LIPN: variants seen among roughly 807,000 people sequenced by gnomAD.
The protein encoded by LIPN is lipase family member N, also known as lipase member N.
Under a neutral mutation model 43.7 loss-of-function variants are expected in LIPN, and 32 were observed. The ratio of observed to expected loss-of-function variants is 0.73; its 90% confidence interval spans 0.55 to 0.98. LIPN has a LOEUF of 0.98. Among genes scored for constraint, LIPN ranks in the 50% least tolerant of loss-of-function variants. The probability of loss-of-function intolerance (pLI) is 0.00; values close to 1 mark genes in which losing one functional copy is unlikely to be tolerated. For missense variants in LIPN, 505 were observed against 483.8 expected (o/e 1.04, Z -0.41); for synonymous variants, 156 against 157.6 (o/e 0.99, Z 0.08).
chr10:88,757,954 T>A (rs1283105163), upstream of LIPN, among the ~76,000 whole-genome samples: 2 of 152,102 alleles, frequency 1.3e-5, no homozygotes, highest in Non-Finnish European at 2.9e-5. Flanking sequence ...GAAATTTGTC[T>A]CAAAAGTGTG....
At chr10:88,771,834 T>G (rs1843214337) in intron 7 of LIPN, among the ~76,000 whole-genome samples, 1 of 151,828 alleles carries the variant, frequency 6.6e-6, no homozygotes, top group African/African-American at 2.4e-5. Flanking sequence ...CCTCATACTC[T>G]TCCCCATAGT....
In LIPN at chr10:88,761,440, T is replaced by C. The variant is rs756468777; in HGVS notation, c.35T>C (p.Ile12Thr). 10 of 1,612,344 alleles carry C rather than the reference T, an allele frequency of 6.2e-6. No individual in the cohort carries two copies. The highest frequency in any genetic ancestry group is 5.1e-6 in the Non-Finnish European group (6 of 1,179,014). The change falls in exon 2 of 10, where the codon ATC becomes ACC. Residue 12 changes from isoleucine to threonine, a missense_variant. Transcript: ENST00000404459. ...CTGCTTTTAACAACAACTTGTTTGA[T>C]CTGTGGAACTTTAAATGCTGGTGGA... ...MWLLLTTTCL[I>T]CGTLNAGGFL...
At chr10:88,769,870 C>G (rs751877661) in intron 6 of LIPN, among the ~76,000 whole-genome samples, 1 of 151,792 alleles carries the variant, frequency 6.6e-6, no homozygotes, top group Non-Finnish European at 1.5e-5. Flanking sequence ...TATTCAAGAG[C>G]TTTTCTAGTT....
chr10:88,769,834 TGA>T (rs1843175710), intron 6 of LIPN, among the ~76,000 whole-genome samples: 1 of 151,960 alleles, frequency 6.6e-6, no homozygotes, highest in Non-Finnish European at 1.5e-5. Context: ...TATTGTTTAC[TGA>T]GAGCACAAAT....
rs1393648610 is a variant in LIPN, at chr10:88,774,488, T to C, written c.835T>C (p.Tyr279His). The change falls in exon 8 of 10, where the codon TAT becomes CAT. Residue 279 changes from tyrosine to histidine, a missense_variant. Tyr to His is a moderately conservative substitution (Grantham distance 83, BLOSUM62 2). Coordinates refer to ENST00000404459, the MANE Select transcript of LIPN (RefSeq NM_001102469.2). ...TCTCCTTTAGAGTCGAATGGATGTG[T>C]ATATGTCACATGCTCCCACTGGTTC... ...KNMNQSRMDV[Y>H]MSHAPTGSSV... 2.5e-6 allele frequency: 4 copies of C among 1,610,970 alleles called. No homozygotes were observed. The highest frequency in any genetic ancestry group is 1.3e-5 in the African/African-American group (1 of 74,872).
intron 4 of LIPN, among the ~76,000 whole-genome samples, chr10:88,764,930 T>C (rs1365500332): frequency 6.6e-6 from 1 of 151,986 alleles, no homozygotes; most frequent in Non-Finnish European, 1.5e-5. Flanking sequence ...GAGTGGCTAC[T>C]GTATGCGCTG....
At chr10:88,768,735 A>C (rs1590178265) in intron 5 of LIPN, 57 bp from the exon 6 acceptor site, 2 of 1,518,684 alleles carry the variant, frequency 1.3e-6, no homozygotes, top group East Asian at 4.6e-5. Flanking sequence ...CAATTTTGTT[A>C]GAAACACTGC....
At chr10:88,762,335 A>T (rs774318673) in intron 3 of LIPN, 30 bp downstream of exon 3, 5 of 1,326,414 alleles carry the variant, frequency 3.8e-6, no homozygotes, top group Admixed American at 1.9e-5. Flanking sequence ...TGAAAAGGGG[A>T]CTGCATTGAC....
Position 88,778,076 on chromosome 10 carries a change from A to C in LIPN, c.1031A>C (p.Asp344Ala). Reference sequence around the variant, plus strand: ...ACTGCTATTTGGGCTGGTGGACATGATGTCCTCGTAACACCCCAGGATGTG... The same window carrying C: ...ACTGCTATTTGGGCTGGTGGACATGCTGTCCTCGTAACACCCCAGGATGTG... ...VPTAIWAGGH[D>A]VLVTPQDVAR... The change falls in exon 10 of 10, where the codon GAT becomes GCT. Residue 344 changes from aspartate (D) to alanine (A), a missense_variant. Transcript: ENST00000404459. The C allele has an allele frequency of 6.2e-7, 1 of 1,613,584 alleles. No homozygotes were observed. The highest frequency in any genetic ancestry group is 8.5e-7 in the Non-Finnish European group (1 of 1,179,668).
chr10:88,773,443 G>A (rs1003401057), intron 7 of LIPN, among the ~76,000 whole-genome samples: 3 of 151,912 alleles, frequency 2.0e-5, no homozygotes, highest in African/African-American at 7.2e-5. Context: ...CTTATTTCAT[G>A]TGTTCCTTTC....
At chr10:88,757,348 G>T (rs1842938472), upstream of LIPN, among the ~76,000 whole-genome samples, 1 of 152,080 alleles carries the variant, frequency 6.6e-6, no homozygotes. Flanking sequence ...TCACAAACAC[G>T]GATGGTCCTG....
chr10:88,759,211 AT>A (rs543272611), upstream of LIPN, among the ~76,000 whole-genome samples: 1 of 152,068 alleles, frequency 6.6e-6, no homozygotes, highest in Non-Finnish European at 1.5e-5. Context: ...ACAAAATATC[AT>A]TTTTTTTGAA....
intron 9 of LIPN, 55 bp downstream of exon 9, chr10:88,775,218 A>G: frequency 3.1e-6 from 4 of 1,291,430 alleles, no homozygotes; most frequent in Non-Finnish European, 4.3e-6. Flanking sequence ...ATAATAAAAA[A>G]TTATTTGAGG....
chr10:88,763,751 T>C (rs573491537), intron 3 of LIPN, among the ~76,000 whole-genome samples: 23 of 151,976 alleles, frequency 1.5e-4, no homozygotes, highest in Non-Finnish European at 3.2e-4. Context: ...AATCTGGAAG[T>C]TGGCAGAGGG....
Position 88,764,542 on chromosome 10 carries a change from G to C in LIPN, c.359G>C (p.Arg120Pro), listed in dbSNP as rs540908678. The C allele has an allele frequency of 3.7e-6, 6 of 1,611,784 alleles. No individual in the cohort carries two copies. The South Asian group carries it at 6.6e-5, about 18-fold the overall frequency. The part of the protein sequence containing the change: ...AGYDVWMGNS[R>P]GNTWSRRHKT... ...TATGATGTATGGATGGGAAACAGTC[G>C]GGGAAACACTTGGTCAAGAAGACAC... is the stretch of plus-strand genomic sequence containing the variant. Residue 120 changes from arginine to proline, a missense_variant, in exon 4 of 10, where the codon CGG becomes CCG. Physicochemically the swap from Arg to Pro is moderately radical, Grantham distance 103. Coordinates refer to ENST00000404459, the MANE Select transcript of LIPN (RefSeq NM_001102469.2).
Position 88,762,231 on chromosome 10 carries a change from A to C in LIPN, c.152A>C (p.Glu51Ala). The change falls in exon 3 of 10, where the codon GAA becomes GCA. Residue 51 changes from glutamate (E) to alanine (A), a missense_variant. By Grantham distance (107) the Glu-to-Ala change is moderately radical. Transcript: ENST00000404459. ...AATGGCTACCCCAGTGAAGAGTATG[A>C]AGTCACCACTGAAGATGGGTATATA... ...IYNGYPSEEY[E>A]VTTEDGYILL... 6.2e-7 allele frequency: 1 copy of C among 1,609,354 alleles called. No individual in the cohort carries two copies. The highest frequency in any genetic ancestry group is 8.5e-7 in the Non-Finnish European group (1 of 1,177,552).
At chr10:88,771,115 T>A in intron 7 of LIPN, 124 bp downstream of exon 7, 1 of 790,622 alleles carries the variant, frequency 1.3e-6, no homozygotes, top group Non-Finnish European at 1.9e-6. Flanking sequence ...AAGACAGATT[T>A]TTTTTTGCTT....
intron 6 of LIPN, among the ~76,000 whole-genome samples, chr10:88,770,167 G>A (rs1025237506): frequency 1.3e-5 from 2 of 151,692 alleles, no homozygotes; most frequent in Non-Finnish European, 2.9e-5. Context: ...GACCCCACCA[G>A]GAATCCCCAT....
intron 4 of LIPN, among the ~76,000 whole-genome samples, chr10:88,765,269 G>A (rs1053778901): frequency 2.0e-4 from 30 of 151,956 alleles, no homozygotes; most frequent in African/African-American, 7.2e-4. Flanking sequence ...TGATGCCTGC[G>A]ATAGACTTTT....
Sources: allele counts gnomAD v4.1 joint callset (sites outside exome capture counted in the v4.1 genomes callset), GRCh38; gene constraint gnomAD v4.1.1; transcripts MANE v1.5; gene names NCBI Gene and HGNC (gene_info 2026-07-23, HGNC 2026-07-21).